Variants in WDR20 observed in about 807,000 individuals in gnomAD.
WDR20 encodes WD repeat-containing protein 20.
WDR20 carries 3 observed loss-of-function variants against 38.7 expected under a neutral mutation model. The observed-to-expected ratio is 0.08, with a 90% CI of 0.04 to 0.20. WDR20 has a LOEUF of 0.20. Among genes scored for constraint, WDR20 ranks in the 10% least tolerant of loss-of-function variants. The pLI, the probability that WDR20 is intolerant of heterozygous loss-of-function variation, is 1.00. For missense variants in WDR20, 559 were observed against 727.7 expected (o/e 0.77, Z 2.67); for synonymous variants, 298 against 285.6 (o/e 1.04, Z -0.44).
Position 102,208,768 on chromosome 14 carries a change from G to A in WDR20, c.598G>A (p.Ala200Thr). The change falls in exon 3 of 3, where the codon GCC becomes ACC. Residue 200 changes from alanine to threonine, a missense_variant. Coordinates refer to ENST00000342702, the MANE Select transcript of WDR20 (RefSeq NM_144574.4). This position sits in a 1 kb window ranked among gnomAD's most constrained non-coding sequence, Gnocchi z 5.6. ...GCTTCTGAAGCAGGGAGAGAGCTTTGCCGTGCACACTTGCAAGAGCAAATC... is the reference window on the plus strand; with the variant it reads ...GCTTCTGAAGCAGGGAGAGAGCTTTACCGTGCACACTTGCAAGAGCAAATC... ...YQLLKQGESF[A>T]VHTCKSKSTR... is the part of the protein sequence containing the mutation. 6.2e-7 allele frequency: 1 copy of A among 1,614,242 alleles called. No individual in the cohort carries two copies. Among genetic ancestry groups the A allele is most frequent in the Non-Finnish European group, 8.5e-7 (1 of 1,180,044 alleles).
At chr14:102,151,330 A>G (rs2055776439) in intron 1 of WDR20, among the ~76,000 whole-genome samples, 1 of 152,098 alleles carries the variant, frequency 6.6e-6, no homozygotes, top group Non-Finnish European at 1.5e-5. Flanking sequence ...ACTGATACTG[A>G]TGTGATTCCT....
chr14:102,192,613 G>T (rs533073000), intron 1 of WDR20, among the ~76,000 whole-genome samples: 2 of 152,090 alleles, frequency 1.3e-5, no homozygotes, highest in South Asian at 2.1e-4. Context: ...AGTTGTGAGG[G>T]GTCCCTAAGT....
chr14:102,183,449 A>G (rs1404247263), intron 1 of WDR20, among the ~76,000 whole-genome samples: 2 of 152,258 alleles, frequency 1.3e-5, no homozygotes, highest in Non-Finnish European at 2.9e-5. Flanking sequence ...ACAGCAGTGT[A>G]CTATGTCCAA....
Position 102,210,500 on chromosome 14 carries a change from T to C in WDR20, c.*620T>C, listed in dbSNP as rs1490193287. 1.0e-6 allele frequency: 1 copy of C among 985,326 alleles called. No homozygotes were observed. The highest frequency in any genetic ancestry group is 1.1e-4 in the East Asian group (1 of 8,832). 61.0% of individuals were successfully genotyped at this position (985,326 alleles called of 1,614,324 possible). ...TTAGTCATTTTATGACAATTAAAGTTGTTTAATAAACATCTTTTTTCAAAG... is the reference window on the plus strand; with the variant it reads ...TTAGTCATTTTATGACAATTAAAGTCGTTTAATAAACATCTTTTTTCAAAG... On this transcript the variant is annotated 3_prime_UTR_variant, in exon 3 of 3. Transcript: ENST00000342702.
chr14:102,144,084 G>T (rs1346760013), intron 1 of WDR20, among the ~76,000 whole-genome samples: 1 of 151,810 alleles, frequency 6.6e-6, no homozygotes, highest in Non-Finnish European at 1.5e-5. Flanking sequence ...CTTGGGAAGC[G>T]AGGAGGGCTC....
At chr14:102,171,696 T>G (rs939907494) in intron 1 of WDR20, among the ~76,000 whole-genome samples, 1 of 151,832 alleles carries the variant, frequency 6.6e-6, no homozygotes, top group African/African-American at 2.4e-5. Flanking sequence ...ATCTTATCTT[T>G]CGTTGACTTA....
At chr14:102,201,231 A>C (rs572542048) in intron 2 of WDR20, among the ~76,000 whole-genome samples, 1 of 152,056 alleles carries the variant, frequency 6.6e-6, no homozygotes, top group Non-Finnish European at 1.5e-5. Flanking sequence ...TTGTGGTTGC[A>C]TTATGGCTTT....
intron 1 of WDR20, among the ~76,000 whole-genome samples, chr14:102,182,563 C>T (rs1258774284): frequency 2.6e-5 from 4 of 152,016 alleles, no homozygotes; most frequent in East Asian, 1.9e-4. Flanking sequence ...CAGTAAGCTT[C>T]CTTTTATTGT....
At chr14:102,180,277 A>AT (rs2063115415) in intron 1 of WDR20, among the ~76,000 whole-genome samples, 2 of 152,198 alleles carry the variant, frequency 1.3e-5, no homozygotes, top group Non-Finnish European at 2.9e-5. Context: ...TCACTGTTGT[A>AT]TTAACCCCAT....
At chr14:102,154,295 G>A (rs1455441005) in intron 1 of WDR20, among the ~76,000 whole-genome samples, 2 of 152,212 alleles carry the variant, frequency 1.3e-5, no homozygotes, top group Non-Finnish European at 2.9e-5. Context: ...TGGAGTCTGG[G>A]AAGTCAAGAT....
intron 1 of WDR20, among the ~76,000 whole-genome samples, chr14:102,152,678 G>A (rs563391868): frequency 1.5e-3 from 226 of 152,244 alleles, no homozygotes; most frequent in African/African-American, 5.2e-3. Flanking sequence ...GCCTTCCAAA[G>A]TGCTGGGATT....
At position 102,222,683 on chromosome 14, in the gene WDR20, T is replaced by A; in HGVS notation, c.1693-147T>A. The A allele has an allele frequency of 1.3e-6, 1 of 771,916 alleles. No homozygotes were observed. 47.8% of individuals were successfully genotyped at this position (771,916 alleles called of 1,614,324 possible). A position where few individuals can be genotyped will look rare whatever the true frequency, so the allele number is the denominator to read the frequency against. On this transcript the variant is annotated intron_variant, in intron 3 of 3. Coordinates refer to the WDR20 transcript ENST00000335263. This position sits in a 1 kb window ranked among gnomAD's most constrained non-coding sequence, Gnocchi z 4.4. ...CGCAGTGATCTGGATAGGAATTAAA[T>A]AGATGAAGTGGAGGGTTTGCTCCCA...
rs549723875 is a variant in WDR20, at chr14:102,166,959, A to G, written c.249+26787A>G. Among the ~76,000 whole-genome samples the G allele has an allele frequency of 2.4e-4, 37 of 152,236 alleles. No homozygotes were observed. In the South Asian group the frequency reaches 7.5e-3, roughly 31 times the overall value. ...GGTCCACTGTTGCTCCCTCTAATCT[A>G]TTCTCTGGAGAGCAGTCAGTGATCT... On this transcript the variant is annotated intron_variant, in intron 1 of 2. Transcript: ENST00000342702.
downstream of WDR20, among the ~76,000 whole-genome samples, chr14:102,217,016 T>C (rs891373676): frequency 1.3e-5 from 2 of 152,190 alleles, no homozygotes; most frequent in Non-Finnish European, 2.9e-5. Flanking sequence ...TGGAGACGAA[T>C]GGACCATCTA....
downstream of WDR20, chr14:102,223,804 G>T: frequency 6.6e-6 from 1 of 152,212 alleles, no homozygotes. Context: ...CACTTGAGAT[G>T]GGCTGTTCAA....
intron 1 of WDR20, among the ~76,000 whole-genome samples, chr14:102,168,002 G>A (rs2060087726): frequency 6.6e-6 from 1 of 152,202 alleles, no homozygotes; most frequent in Admixed American, 6.5e-5. Context: ...TCAATGAACA[G>A]TTGTTCGCCT....
downstream of WDR20, chr14:102,212,817 A>G (rs2062726957): frequency 1.5e-6 from 2 of 1,343,184 alleles, no homozygotes; most frequent in Admixed American, 6.2e-5. Context: ...CCTCATTGAA[A>G]TTTTTCAGTC....
intron 1 of WDR20, among the ~76,000 whole-genome samples, chr14:102,148,886 G>A (rs530976023): frequency 1.3e-5 from 2 of 152,158 alleles, no homozygotes; most frequent in Admixed American, 6.5e-5. Flanking sequence ...TGTAGGCCAG[G>A]CGCGGTGGCT....
At chr14:102,196,582 C>A (rs2152953486) in intron 2 of WDR20, among the ~76,000 whole-genome samples, 1 of 152,140 alleles carries the variant, frequency 6.6e-6, no homozygotes, top group Non-Finnish European at 1.5e-5. Flanking sequence ...GTAAACAAGA[C>A]CCGGAGGCAG....
Sources: gnomAD v4.1 joint callset for allele counts (sites outside exome capture counted in the v4.1 genomes callset) on GRCh38, gnomAD v4.1.1 for gene constraint, Gnocchi (gnomAD v3.1) non-coding constraint, MANE v1.5 for transcripts, NCBI Gene and HGNC (gene_info 2026-07-23, HGNC 2026-07-21) for gene names.